Variants in MYO3B observed in about 807,000 individuals in gnomAD.
MYO3B encodes the protein myosin-IIIb.
A neutral mutation model predicts 174.6 loss-of-function variants in MYO3B; 156 were observed. The ratio of observed to expected loss-of-function variants is 0.89; its 90% CI spans 0.78 to 1.02. The LOEUF (loss-of-function observed/expected upper bound fraction) is 1.02. MYO3B is among the 50% of genes least tolerant of loss of function. MYO3B has a pLI of 0.00. For missense variants in MYO3B, 1,632 were observed against 1,639.4 expected (o/e 1.00, Z 0.08); for synonymous variants, 563 against 569.1 (o/e 0.99, Z 0.15).
intron 7 of MYO3B, among the ~76,000 whole-genome samples, chr2:170,329,259 G>GTGTGTGTA (rs918829938): frequency 6.7e-6 from 1 of 149,148 alleles, no homozygotes; most frequent in Non-Finnish European, 1.5e-5. Flanking sequence ...GTGTGTGTGT[G>GTGTGTGTA]TATATATATA....
chr2:170,337,121 G>A (rs1320859677), intron 8 of MYO3B, among the ~76,000 whole-genome samples: 1 of 151,924 alleles, frequency 6.6e-6, no homozygotes, highest in Non-Finnish European at 1.5e-5. Flanking sequence ...GATACTTGTA[G>A]GAGGGATGAT....
chr2:170,592,525 C>T (rs577504759), intron 32 of MYO3B, among the ~76,000 whole-genome samples: 1 of 152,292 alleles, frequency 6.6e-6, no homozygotes, highest in Admixed American at 6.5e-5. Context: ...TAGGTTAAAA[C>T]AAAATGAGTG....
At chr2:170,593,695 GAC>G (rs1377993490) in intron 32 of MYO3B, among the ~76,000 whole-genome samples, 3 of 152,196 alleles carry the variant, frequency 2.0e-5, no homozygotes, top group Non-Finnish European at 4.4e-5. Flanking sequence ...TATGCTGTGA[GAC>G]ATCATAAGTA....
chr2:170,226,887 G>T (rs559301853), intron 6 of MYO3B, among the ~76,000 whole-genome samples: 1 of 152,162 alleles, frequency 6.6e-6, no homozygotes, highest in Non-Finnish European at 1.5e-5. Flanking sequence ...ATCTGCTGTT[G>T]CCCCTTCTCT....
intron 32 of MYO3B, among the ~76,000 whole-genome samples, chr2:170,633,778 C>A (rs1381480813): frequency 1.3e-5 from 2 of 152,184 alleles, no homozygotes; most frequent in African/African-American, 4.8e-5. Flanking sequence ...TCTCAGGATA[C>A]AAAATCAATG....
intron 8 of MYO3B, among the ~76,000 whole-genome samples, chr2:170,342,541 A>G (rs1304011178): frequency 6.6e-6 from 1 of 150,454 alleles, no homozygotes; most frequent in African/African-American, 2.4e-5. Flanking sequence ...TCTTGGAAAG[A>G]TATTTAACCT....
chr2:170,471,575 A>G (rs916867996), intron 25 of MYO3B, among the ~76,000 whole-genome samples: 20 of 151,982 alleles, frequency 1.3e-4, no homozygotes, highest in African/African-American at 4.8e-4. Context: ...AATTTTTTGT[A>G]TGGTGTAAGG....
In MYO3B at chr2:170,459,897, C is replaced by T. The variant is rs371766311; in HGVS notation, c.2731-3471C>T. On this transcript the variant is annotated intron_variant, in intron 23 of 34. Coordinates refer to ENST00000408978, the MANE Select transcript of MYO3B (RefSeq NM_138995.5). ...TAAGCCCCTCACTGCCCGTGGCCAG[C>T]GGCACTGGCCAGCCGCTTCCAGTGC... 6.6e-5 allele frequency among the ~76,000 whole-genome samples: 10 copies of T among 152,222 alleles called. No individual in the cohort carries two copies. The South Asian group carries it at 1.2e-3, about 19-fold the overall frequency.
At chr2:170,315,157 T>C (rs2093766444) in intron 7 of MYO3B, among the ~76,000 whole-genome samples, 1 of 152,224 alleles carries the variant, frequency 6.6e-6, no homozygotes, top group African/African-American at 2.4e-5. Context: ...CTGAAAAGAC[T>C]GAAGCTTTAG....
intron 32 of MYO3B, among the ~76,000 whole-genome samples, chr2:170,590,355 C>T (rs1017434779): frequency 6.6e-6 from 1 of 152,036 alleles, no homozygotes; most frequent in African/African-American, 2.4e-5. Context: ...AGAGTAGACA[C>T]CTAAGGTGGT....
At chr2:170,236,332 GAAT>G (rs2093070346) in intron 7 of MYO3B, among the ~76,000 whole-genome samples, 196 bp downstream of exon 7, 2 of 152,146 alleles carry the variant, frequency 1.3e-5, no homozygotes, top group Non-Finnish European at 2.9e-5. Context: ...ATACCCCAAG[GAAT>G]AATAAGACCA....
At chr2:170,197,018 GT>G (rs35829763) in intron 1 of MYO3B, among the ~76,000 whole-genome samples, 235 of 144,100 alleles carry the variant, frequency 1.6e-3, no homozygotes, top group East Asian at 2.2e-3. Flanking sequence ...ATCTTTTCAG[GT>G]TTTTTTTTTT....
At chr2:170,238,559 G>A (rs1032726485) in intron 7 of MYO3B, among the ~76,000 whole-genome samples, 1 of 152,204 alleles carries the variant, frequency 6.6e-6, no homozygotes, top group Admixed American at 6.5e-5. Flanking sequence ...AATACTGCGT[G>A]TGGCTTCTTC....
intron 7 of MYO3B, among the ~76,000 whole-genome samples, chr2:170,300,834 G>C (rs2093660899): frequency 6.6e-6 from 1 of 152,108 alleles, no homozygotes; most frequent in African/African-American, 2.4e-5. Flanking sequence ...CTTATATTTA[G>C]GGTTTTTTTG....
chr2:170,332,269 A>G (rs2093917062), intron 7 of MYO3B: 1 of 152,122 alleles, frequency 6.6e-6, no homozygotes. Context: ...AAGTAGTCAG[A>G]TGCACCAGCT....
At chr2:170,415,801 G>T (rs966133191) in intron 22 of MYO3B, among the ~76,000 whole-genome samples, 1 of 152,074 alleles carries the variant, frequency 6.6e-6, no homozygotes, top group African/African-American at 2.4e-5. Context: ...CCTCCACAAA[G>T]ATTTTGATCC....
At chr2:170,619,288 A>G (rs986055825) in intron 32 of MYO3B, among the ~76,000 whole-genome samples, 3 of 152,148 alleles carry the variant, frequency 2.0e-5, no homozygotes, top group Admixed American at 1.3e-4. Context: ...ACGTCCATTC[A>G]TAGGCTCTCT....
At chr2:170,465,932 C>T (rs576465423) in intron 24 of MYO3B, among the ~76,000 whole-genome samples, 1 of 152,264 alleles carries the variant, frequency 6.6e-6, no homozygotes, top group Non-Finnish European at 1.5e-5. Context: ...TTTCCGTGTC[C>T]TTGCTCCCCT....
At chr2:170,582,630 C>G (rs1328906247) in intron 32 of MYO3B, among the ~76,000 whole-genome samples, 1 of 152,050 alleles carries the variant, frequency 6.6e-6, no homozygotes, top group African/African-American at 2.4e-5. Flanking sequence ...ACTTTGCCAC[C>G]CTAGCCTTCC....
Sources: allele counts gnomAD v4.1 joint callset (sites outside exome capture counted in the v4.1 genomes callset), GRCh38; gene constraint gnomAD v4.1.1; transcripts MANE v1.5; gene names NCBI Gene and HGNC (gene_info 2026-07-23, HGNC 2026-07-21).